KCND2: variants seen among roughly 807,000 people sequenced by gnomAD.
KCND2 encodes A-type voltage-gated potassium channel KCND2.
Under a neutral mutation model 54.4 loss-of-function variants are expected in KCND2, and 16 were observed. The ratio of observed to expected loss-of-function variants is 0.29; its 90% CI spans 0.20 to 0.45. The LOEUF is 0.45. KCND2 is among the 20% of genes least tolerant of loss of function. The probability of loss-of-function intolerance (pLI) is 1.00; values close to 1 mark genes in which losing one functional copy is unlikely to be tolerated. For synonymous variants in KCND2, 317 were observed against 310.7 expected, an observed-to-expected ratio of 1.02 and a Z score of -0.21; for missense variants, 486 against 824.2, an observed-to-expected ratio of 0.59 and a Z score of 5.02.
At chr7:120,699,968 G>A (rs1304879530) in intron 1 of KCND2, among the ~76,000 whole-genome samples, 1 of 152,156 alleles carries the variant, frequency 6.6e-6, no homozygotes, top group Non-Finnish European at 1.5e-5. Flanking sequence ...GGGCATGGAG[G>A]AAGAAAAGAT....
intron 1 of KCND2, among the ~76,000 whole-genome samples, chr7:120,353,096 A>G (rs563022808): frequency 8.1e-6 from 1 of 123,528 alleles, no homozygotes; most frequent in South Asian, 2.7e-4. Flanking sequence ...TGAATTTCTG[A>G]TTCTATTTTT....
At chr7:120,332,022 C>G (rs1215229146) in intron 1 of KCND2, among the ~76,000 whole-genome samples, 4 of 152,024 alleles carry the variant, frequency 2.6e-5, no homozygotes, top group African/African-American at 9.7e-5. Flanking sequence ...GTTGTAAAAG[C>G]CTTCTTCTAC....
chr7:120,536,021 C>T (rs1384131898), intron 1 of KCND2, among the ~76,000 whole-genome samples: 2 of 152,090 alleles, frequency 1.3e-5, no homozygotes, highest in Non-Finnish European at 2.9e-5. Flanking sequence ...TTAAGCTAGT[C>T]ATCCATTTAA....
chr7:120,370,512 A>T (rs990825945), intron 1 of KCND2, among the ~76,000 whole-genome samples: 2 of 152,048 alleles, frequency 1.3e-5, no homozygotes, highest in Admixed American at 6.6e-5. Flanking sequence ...AGCCATGGAC[A>T]CCTTGGCAAA....
intron 1 of KCND2, among the ~76,000 whole-genome samples, chr7:120,345,867 T>A (rs1163961641): frequency 6.6e-6 from 1 of 152,210 alleles, no homozygotes; most frequent in Non-Finnish European, 1.5e-5. Context: ...TACACAGAAG[T>A]TGAATTGCTA....
At chr7:120,327,338 A>G (rs1799992492) in intron 1 of KCND2, among the ~76,000 whole-genome samples, 1 of 152,084 alleles carries the variant, frequency 6.6e-6, no homozygotes, top group South Asian at 2.1e-4. Context: ...CTTAGGAGGA[A>G]ACTTAATTAT....
chr7:120,499,273 A>G (rs1293035017), intron 1 of KCND2, among the ~76,000 whole-genome samples: 2 of 152,190 alleles, frequency 1.3e-5, no homozygotes, highest in Admixed American at 6.6e-5. Context: ...TGAGTATTCA[A>G]AAATATATTT....
In KCND2 at chr7:120,728,544, CT is replaced by C. The variant is rs1792765604; in HGVS notation, c.1116-4357del. Among the ~76,000 whole-genome samples, 4 of 152,252 alleles carry C rather than the reference CT, an allele frequency of 2.6e-5. No individual in the cohort carries two copies. In the South Asian group the frequency reaches 8.3e-4, roughly 32 times the overall value. ...GACTCAGATGATCCACCAGCCTCTG[CT>C]TCCCAAAGTGCTGGGATTACAGCCG... On this transcript the variant is annotated intron_variant, in intron 1 of 5. Transcript: ENST00000331113.
intron 1 of KCND2, among the ~76,000 whole-genome samples, chr7:120,547,115 A>G (rs1194181803): frequency 1.3e-5 from 2 of 152,036 alleles, no homozygotes; most frequent in Non-Finnish European, 2.9e-5. Context: ...TATAAAATAT[A>G]TGTAGAATTA....
At chr7:120,535,121 T>G (rs1791889152) in intron 1 of KCND2, among the ~76,000 whole-genome samples, 3 of 152,296 alleles carry the variant, frequency 2.0e-5, no homozygotes, top group African/African-American at 7.2e-5. Flanking sequence ...TGGAGAATTA[T>G]GGGCTGCTCT....
At chr7:120,472,195 T>C (rs2116262296) in intron 1 of KCND2, among the ~76,000 whole-genome samples, 1 of 152,018 alleles carries the variant, frequency 6.6e-6, no homozygotes, top group Non-Finnish European at 1.5e-5. Flanking sequence ...TCTTGTTTTT[T>C]TCTTTTTATT....
intron 1 of KCND2, among the ~76,000 whole-genome samples, chr7:120,302,134 A>G (rs571164227): frequency 3.7e-4 from 57 of 152,336 alleles, no homozygotes; most frequent in African/African-American, 1.2e-3. Flanking sequence ...ATCCACAATA[A>G]TCAATATCAG....
At chr7:120,315,887 G>A (rs1799805426) in intron 1 of KCND2, among the ~76,000 whole-genome samples, 2 of 151,604 alleles carry the variant, frequency 1.3e-5, no homozygotes, top group South Asian at 4.2e-4. Flanking sequence ...GATGAAAATT[G>A]AAGGTGATTG....
intron 1 of KCND2, among the ~76,000 whole-genome samples, chr7:120,367,196 TA>T (rs1289088156): frequency 6.6e-6 from 1 of 152,104 alleles, no homozygotes; most frequent in Non-Finnish European, 1.5e-5. Flanking sequence ...GGAACTTGTT[TA>T]AGGACAAAAG....
At chr7:120,361,272 C>G (rs1290375045) in intron 1 of KCND2, among the ~76,000 whole-genome samples, 1 of 151,902 alleles carries the variant, frequency 6.6e-6, no homozygotes, top group Admixed American at 6.6e-5. Context: ...TAAAAATTCT[C>G]CTTTCTAGTT....
At chr7:120,456,780 C>T (rs1294244495) in intron 1 of KCND2, among the ~76,000 whole-genome samples, 1 of 152,180 alleles carries the variant, frequency 6.6e-6, no homozygotes, top group Non-Finnish European at 1.5e-5. Context: ...GACTGTGACC[C>T]TCTTCTCACA....
At position 120,316,044 on chromosome 7, in the gene KCND2, A is replaced by G. The variant is rs544133609; in HGVS notation, c.1115+40297A>G. Among the ~76,000 whole-genome samples the G allele has an allele frequency of 5.9e-5, 9 of 152,304 alleles. No individual in the cohort carries two copies. The East Asian group carries it at 1.7e-3, about 29-fold the overall frequency. ...CTTAAACATTCATTGATGGTGCTCAAAGTAGGAAAAGGTGGAAATATTTGT... is the reference window on the plus strand; with the variant it reads ...CTTAAACATTCATTGATGGTGCTCAGAGTAGGAAAAGGTGGAAATATTTGT... On this transcript the variant is annotated intron_variant, in intron 1 of 5. Coordinates refer to ENST00000331113, the MANE Select transcript of KCND2 (RefSeq NM_012281.3).
chr7:120,682,525 G>A (rs537804879), intron 1 of KCND2, among the ~76,000 whole-genome samples: 9 of 152,134 alleles, frequency 5.9e-5, no homozygotes, highest in Middle Eastern at 3.4e-3. Context: ...CATTGAATCA[G>A]CCAGAAATTA....
At chr7:120,692,197 ATTTG>A (rs1325539121) in intron 1 of KCND2, among the ~76,000 whole-genome samples, 1 of 152,130 alleles carries the variant, frequency 6.6e-6, no homozygotes, top group Admixed American at 6.5e-5. Flanking sequence ...AAGCTTTTTC[ATTTG>A]TTTGGTGATG....
Sources: allele counts gnomAD v4.1 joint callset (sites outside exome capture counted in the v4.1 genomes callset), GRCh38; gene constraint gnomAD v4.1.1; transcripts MANE v1.5; gene names NCBI Gene and HGNC (gene_info 2026-07-23, HGNC 2026-07-21).